SLC2A5: variants seen among roughly 807,000 people sequenced by gnomAD.
SLC2A5 encodes solute carrier family 2, facilitated glucose transporter member 5.
SLC2A5 carries 56 observed loss-of-function variants against 50.3 expected under a neutral mutation model. The observed-to-expected ratio is 1.11, with a 90% CI of 0.90 to 1.39. The LOEUF (loss-of-function observed/expected upper bound fraction) is 1.39. Ranked by LOEUF, SLC2A5 falls within the 40% of genes most tolerant of loss-of-function variation. The pLI is 0.00. For synonymous variants in SLC2A5, 269 were observed against 281.9 expected (o/e 0.95, Z 0.46); for missense variants, 566 against 650.1 (o/e 0.87, Z 1.41).
intron 4 of SLC2A5, among the ~76,000 whole-genome samples, chr1:9,042,244 T>G (rs1641322279): frequency 1.3e-5 from 2 of 152,128 alleles, no homozygotes; most frequent in Admixed American, 1.3e-4. Flanking sequence ...TTCTGCTTTT[T>G]GAGGAGGGTC....
chr1:9,037,681 T>C lies in SLC2A5; in HGVS notation c.1411A>G (p.Ile471Val), dbSNP rs996394323. The change falls in exon 12 of 12, where the codon ATC becomes GTC. Residue 471 changes from isoleucine (I) to valine (V), a missense_variant. Physicochemically the swap from Ile to Val is conservative, Grantham distance 29. Transcript: ENST00000377424. Reference protein sequence around the residue: ...PETKAKTFIEINQIFTKMNKV... With the variant: ...PETKAKTFIEVNQIFTKMNKV... ...TTCATCTTGGTGAAAATCTGGTTGA[T>C]CTCTATGAACGTCTTGGCCTTGGTC... The C allele has an allele frequency of 6.2e-7, 1 of 1,614,052 alleles. No homozygotes were observed. Among genetic ancestry groups the C allele is most frequent in the African/African-American group, 1.3e-5 (1 of 74,920 alleles).
At chr1:9,039,712 G>C in intron 7 of SLC2A5, 50 bp from the exon 8 acceptor site, 1 of 1,450,036 alleles carries the variant, frequency 6.9e-7, no homozygotes, top group Non-Finnish European at 9.1e-7. Context: ...GGCGGCCTCG[G>C]CGCCAGGACC....
chr1:9,061,198 C>G lies in SLC2A5; in HGVS notation c.34-2948G>C, dbSNP rs530352824. Among the ~76,000 whole-genome samples the G allele has an allele frequency of 2.7e-5, 4 of 149,940 alleles. No homozygotes were observed. The South Asian group carries it at 8.5e-4, about 32-fold the overall frequency. The stretch of plus-strand genomic sequence containing the variant: ...TCAGGAGGCTGAGGTGGAAGGATCA[C>G]TTGAGCACGGGACGCAGAGGTTGCA... On this transcript the variant is annotated intron_variant, in intron 1 of 11. Coordinates refer to ENST00000377424, the MANE Select transcript of SLC2A5 (RefSeq NM_003039.3).
chr1:9,079,975 C>T (rs951662580), intron 2 of SLC2A5, among the ~76,000 whole-genome samples: 2 of 152,202 alleles, frequency 1.3e-5, no homozygotes, highest in African/African-American at 4.8e-5. Context: ...TTTCCCTCCC[C>T]AAAGTCCCTG....
rs1641110366 is a variant in SLC2A5, at chr1:9,035,123, A to G, written c.*2463T>C. On this transcript the variant is annotated 3_prime_UTR_variant, in exon 12 of 12. Coordinates refer to ENST00000377424, the MANE Select transcript of SLC2A5 (RefSeq NM_003039.3). ...CATATAAAGTCATTTAATTCTCACA[A>G]TGGACATGTGAGACATTTACTATTA... 6.6e-6 allele frequency: 1 copy of G among 152,256 alleles called. No homozygotes were observed. Among genetic ancestry groups the G allele is most frequent in the African/African-American group, 2.4e-5 (1 of 41,462 alleles). 9.4% of individuals were successfully genotyped at this position (152,256 alleles called of 1,614,324 possible). A position where few individuals can be genotyped will look rare whatever the true frequency, so the allele number is the denominator to read the frequency against.
chr1:9,038,978 C>T (rs770784470), intron 8 of SLC2A5, 49 bp from the exon 9 acceptor site: 2 of 1,577,242 alleles, frequency 1.3e-6, no homozygotes, highest in African/African-American at 1.3e-5. Flanking sequence ...GCTTCACCTC[C>T]CTCCAGCCCC....
At chr1:9,071,587 TGAC>T (rs1470626808), upstream of SLC2A5, 4 of 152,308 alleles carry the variant, frequency 2.6e-5, no homozygotes, top group African/African-American at 4.8e-5. Context: ...GTCCCCGCCT[TGAC>T]GGCCCAGCCC....
At chr1:9,086,385 C>G (rs1269116913) in intron 1 of SLC2A5, among the ~76,000 whole-genome samples, 1 of 128,582 alleles carries the variant, frequency 7.8e-6, no homozygotes, top group Non-Finnish European at 1.6e-5. Context: ...CTTTTTCTCT[C>G]TCTTTTTTTT....
rs1641216485 is a variant in SLC2A5, at chr1:9,038,942, G to A, written c.997-13C>T. Reference sequence around the variant, plus strand: ...CCACCACGAACACCTACAGGAGGGTGGCAGGGCTCAGGCGGGAGAGGCCCA... The same window carrying A: ...CCACCACGAACACCTACAGGAGGGTAGCAGGGCTCAGGCGGGAGAGGCCCA... On this transcript the variant is annotated splice_polypyrimidine_tract_variant and intron_variant, in intron 8 of 11. Transcript: ENST00000377424. The A allele has an allele frequency of 2.5e-6, 4 of 1,610,266 alleles. No individual in the cohort carries two copies. Among genetic ancestry groups the A allele is most frequent in the Non-Finnish European group, 3.4e-6 (4 of 1,178,886 alleles).
intron 1 of SLC2A5, among the ~76,000 whole-genome samples, chr1:9,063,592 C>T (rs997183368): frequency 1.3e-5 from 2 of 150,006 alleles, no homozygotes; most frequent in Non-Finnish European, 3.0e-5. Context: ...AGGCTGGTCT[C>T]AAACTCCTGA....
Position 9,039,769 on chromosome 1 carries a change from C to T in SLC2A5, c.885+31G>A, listed in dbSNP as rs752225785. 2.0e-6 allele frequency: 3 copies of T among 1,481,236 alleles called. No homozygotes were observed. The African/African-American group carries it at 4.3e-5, about 21-fold the overall frequency. 91.8% of individuals were successfully genotyped at this position (1,481,236 alleles called of 1,614,324 possible). A position where few individuals can be genotyped will look rare whatever the true frequency, so the allele number is the denominator to read the frequency against. ...TGCGCCCCGCGCCCCCCGAGCCCTC[C>T]CCAGCTCCCGAGCCGCAGCCCGGCC... is the stretch of plus-strand genomic sequence containing the variant. On this transcript the variant is annotated intron_variant, in intron 7 of 11. Coordinates refer to ENST00000377424, the MANE Select transcript of SLC2A5 (RefSeq NM_003039.3).
chr1:9,069,551 G>A lies in SLC2A5; in HGVS notation c.-15C>T, dbSNP rs1462192387. On this transcript the variant is annotated 5_prime_UTR_variant, in exon 1 of 12. Coordinates refer to ENST00000377424, the MANE Select transcript of SLC2A5 (RefSeq NM_003039.3). ...TGTTGCTCCATGCTTGCTCTGGAAG[G>A]GCAGAGTGCCGCTCACCTCCTTTTA... 1 of 1,614,002 alleles carries A rather than the reference G, an allele frequency of 6.2e-7. No individual in the cohort carries two copies. The highest frequency in any genetic ancestry group is 1.1e-5 in the South Asian group (1 of 91,040).
intron 4 of SLC2A5, among the ~76,000 whole-genome samples, chr1:9,042,276 G>C (rs1221953425): frequency 6.6e-6 from 1 of 152,168 alleles, no homozygotes; most frequent in East Asian, 1.9e-4. Context: ...AGGCAAGGCA[G>C]CTGGGTGTGA....
intron 2 of SLC2A5, among the ~76,000 whole-genome samples, chr1:9,077,785 G>A (rs1482333519): frequency 4.1e-5 from 6 of 146,792 alleles, no homozygotes; most frequent in African/African-American, 1.3e-4. Context: ...GGGAAAGAAG[G>A]GGAAGAAGGA....
intron 11 of SLC2A5, 53 bp downstream of exon 11, chr1:9,037,844 C>A: frequency 6.2e-7 from 1 of 1,613,818 alleles, no homozygotes; most frequent in African/African-American, 1.3e-5. Flanking sequence ...CAGGGGCTCG[C>A]ACTGTACTGC....
Position 9,040,423 on chromosome 1 carries a change from G to A in SLC2A5, c.572-234C>T, listed in dbSNP as rs1641270386. ...TCAGACAGACCACACCGACGAGGCC[G>A]GTAATACCATGTGCTGGTGAGAACG... On this transcript the variant is annotated intron_variant, in intron 5 of 11. Transcript: ENST00000377424. This position sits in a 1 kb window ranked among gnomAD's most constrained non-coding sequence, Gnocchi z 4.3. 3 of 542,152 alleles carry A rather than the reference G, an allele frequency of 5.5e-6. No individual in the cohort carries two copies. The highest frequency in any genetic ancestry group is 3.4e-5 in the East Asian group (1 of 29,750). The allele number at this position is 542,152 out of a possible 1,614,324, so 33.6% of individuals were successfully genotyped here. A position where few individuals can be genotyped will look rare whatever the true frequency, so the allele number is the denominator to read the frequency against.
intron 10 of SLC2A5, 140 bp downstream of exon 10, chr1:9,038,291 C>T (rs1261275234): frequency 1.4e-6 from 1 of 717,762 alleles, no homozygotes; most frequent in Admixed American, 2.2e-5. Flanking sequence ...ATGTGCCACC[C>T]ACCCCCTTGC....
At chr1:9,061,937 T>C (rs999084067) in intron 1 of SLC2A5, among the ~76,000 whole-genome samples, 8 of 152,208 alleles carry the variant, frequency 5.3e-5, no homozygotes, top group African/African-American at 1.7e-4. Context: ...AGCGACTAAA[T>C]GATCAGGCTA....
At chr1:9,054,309 T>C (rs576920212) in intron 3 of SLC2A5, among the ~76,000 whole-genome samples, 9 of 152,282 alleles carry the variant, frequency 5.9e-5, no homozygotes, top group Non-Finnish European at 1.2e-4. Context: ...TTGGAGGACA[T>C]GTAAGAAGAC....
Sources: gnomAD v4.1 joint callset for allele counts (sites outside exome capture counted in the v4.1 genomes callset) on GRCh38, gnomAD v4.1.1 for gene constraint, Gnocchi (gnomAD v3.1) non-coding constraint, MANE v1.5 for transcripts, NCBI Gene and HGNC (gene_info 2026-07-23, HGNC 2026-07-21) for gene names.